Variants in SEM1 observed in about 807,000 individuals in gnomAD.
SEM1 encodes 26S proteasome complex subunit SEM1.
Under a neutral mutation model 12.7 loss-of-function variants are expected in SEM1, and 3 were observed. The observed-to-expected ratio is 0.24, with a 90% CI of 0.11 to 0.61. The LOEUF (loss-of-function observed/expected upper bound fraction) is 0.61. Ranked by LOEUF, SEM1 falls within the 20% of genes least tolerant of loss-of-function variation. The probability of loss-of-function intolerance (pLI) is 0.88; values close to 1 mark genes in which losing one functional copy is unlikely to be tolerated. For synonymous variants in SEM1, 30 were observed against 27.8 expected (o/e 1.08, Z -0.25); for missense variants, 59 against 81.3 (o/e 0.73, Z 1.06).
chr7:96,641,143 A>G (rs1808578968), intron 2 of SEM1, among the ~76,000 whole-genome samples: 1 of 151,290 alleles, frequency 6.6e-6, no homozygotes. Context: ...TAGGGAGCCG[A>G]AAAAAAATAA....
intron 2 of SEM1, among the ~76,000 whole-genome samples, chr7:96,628,015 T>A (rs2116319912): frequency 6.6e-6 from 1 of 152,260 alleles, no homozygotes; most frequent in Non-Finnish European, 1.5e-5. Context: ...TTTATCATTA[T>A]ACAGCGACCT....
intron 2 of SEM1, among the ~76,000 whole-genome samples, chr7:96,615,322 G>A (rs112851689): frequency 1.5e-5 from 2 of 135,836 alleles, no homozygotes; most frequent in East Asian, 2.6e-4. Context: ...GTGCCATCTC[G>A]GCTTACTGCA....
intron 3 of SEM1, among the ~76,000 whole-genome samples, chr7:96,501,492 T>C (rs1803544003): frequency 6.6e-6 from 1 of 152,084 alleles, no homozygotes; most frequent in African/African-American, 2.4e-5. Flanking sequence ...TTGAGGCTAA[T>C]GAAGATTGTT....
intron 2 of SEM1, among the ~76,000 whole-genome samples, chr7:96,547,700 CT>C (rs1329557990): frequency 6.6e-6 from 1 of 152,034 alleles, no homozygotes; most frequent in African/African-American, 2.4e-5. Context: ...GCACTTTCCC[CT>C]TTGGCTTGCA....
intron 2 of SEM1, among the ~76,000 whole-genome samples, chr7:96,675,405 C>G (rs886479664): frequency 6.6e-6 from 1 of 152,180 alleles, no homozygotes; most frequent in African/African-American, 2.4e-5. Flanking sequence ...AAACTGGTCA[C>G]TTAAATGCCG....
intron 2 of SEM1, among the ~76,000 whole-genome samples, chr7:96,634,450 C>T (rs562492612): frequency 1.3e-5 from 2 of 151,780 alleles, no homozygotes; most frequent in Admixed American, 6.6e-5. Flanking sequence ...AAAAATAATG[C>T]TCTAAGCACT....
intron 2 of SEM1, among the ~76,000 whole-genome samples, chr7:96,674,708 G>A (rs984818645): frequency 1.3e-5 from 2 of 152,080 alleles, no homozygotes; most frequent in African/African-American, 2.4e-5. Flanking sequence ...TGCATACAAT[G>A]GCAGGAAATT....
intron 2 of SEM1, among the ~76,000 whole-genome samples, chr7:96,632,925 A>ATTTT (rs1808317796): frequency 6.6e-6 from 1 of 151,444 alleles, no homozygotes; most frequent in Non-Finnish European, 1.5e-5. Flanking sequence ...GCACCCTGAT[A>ATTTT]TTTCTAATTG....
chr7:96,546,230 T>C (rs906717150), intron 2 of SEM1, among the ~76,000 whole-genome samples: 2 of 152,074 alleles, frequency 1.3e-5, no homozygotes, highest in Non-Finnish European at 2.9e-5. Flanking sequence ...GATTCAAAGA[T>C]GAATAAGATG....
exon 3 of SEM1, chr7:96,673,704 C>T (rs1198025715): frequency 1.3e-6 from 1 of 760,102 alleles, no homozygotes; most frequent in Non-Finnish European, 2.4e-6. Flanking sequence ...CAATCCTGTG[C>T]ATCCCAGCTC....
At chr7:96,489,569 C>A (rs192219325) in intron 1 of SEM1, among the ~76,000 whole-genome samples, 1 of 152,238 alleles carries the variant, frequency 6.6e-6, no homozygotes, top group African/African-American at 2.4e-5. Flanking sequence ...GAAGATGGAG[C>A]CTGTATTAGT....
chr7:96,607,328 A>G (rs779074928), intron 2 of SEM1, among the ~76,000 whole-genome samples: 1 of 152,232 alleles, frequency 6.6e-6, no homozygotes, highest in African/African-American at 2.4e-5. Flanking sequence ...CAGTGATAAC[A>G]TATTTTCTCT....
Position 96,505,302 on chromosome 7 carries a change from C to T in SEM1, c.*60+1321G>A, listed in dbSNP as rs183889684. Among the ~76,000 whole-genome samples, 38 of 152,058 alleles carry T rather than the reference C, an allele frequency of 2.5e-4. No individual in the cohort carries two copies. In the East Asian group the frequency reaches 6.4e-3, roughly 26 times the overall value. ...TATTTTTATTAGAGACAGGGTTTCA[C>T]CATGTTGGCCAGGCTAATCTTGAAT... On this transcript the variant is annotated intron_variant and NMD_transcript_variant, in intron 3 of 3. Transcript: ENST00000466986.
Position 96,640,020 on chromosome 7 carries a change from G to A in SEM1, c.171-17377C>T, listed in dbSNP as rs1029559253. 6.6e-5 allele frequency among the ~76,000 whole-genome samples: 10 copies of A among 151,800 alleles called. No homozygotes were observed. Among genetic ancestry groups the A allele is most frequent in the African/African-American group, 2.2e-4 (9 of 41,346 alleles). The stretch of plus-strand genomic sequence containing the variant: ...CAAATTAAAACAGCAATACAATATC[G>A]CTACACACCTATTATAATGGCCAAA... On this transcript the variant is annotated intron_variant, in intron 2 of 2. Coordinates refer to the SEM1 transcript ENST00000417009. This position sits in a 1 kb window ranked among gnomAD's most constrained non-coding sequence, Gnocchi z 4.0.
intron 1 of SEM1, chr7:96,697,149 T>C (rs1160700469): frequency 2.0e-5 from 3 of 151,306 alleles, no homozygotes; most frequent in Non-Finnish European, 4.4e-5. Flanking sequence ...TCAATGTGTA[T>C]GCCTCCAGAT....
downstream of SEM1, among the ~76,000 whole-genome samples, chr7:96,669,314 C>T (rs1169802705): frequency 2.0e-5 from 3 of 152,150 alleles, no homozygotes; most frequent in Admixed American, 1.3e-4. Flanking sequence ...TTGCAAGTTA[C>T]GTAGTCTCTG....
At chr7:96,590,275 T>C (rs1806787721) in intron 2 of SEM1, among the ~76,000 whole-genome samples, 1 of 152,174 alleles carries the variant, frequency 6.6e-6, no homozygotes, top group Non-Finnish European at 1.5e-5. Flanking sequence ...AGTATAATTA[T>C]GTCCCAAACA....
intron 2 of SEM1, among the ~76,000 whole-genome samples, chr7:96,693,730 T>C (rs567219559): frequency 5.2e-4 from 79 of 151,118 alleles, no homozygotes; most frequent in Non-Finnish European, 1.0e-3. Context: ...AAGTTAAATA[T>C]AGAATTAACG....
rs549638880 is a variant in SEM1 at position 96,509,143 on chromosome 7, C to T, written c.171-2445G>A. Among the ~76,000 whole-genome samples, 12 of 148,556 alleles carry T rather than the reference C, an allele frequency of 8.1e-5. No homozygotes were observed. In the East Asian group the frequency reaches 2.4e-3, roughly 30 times the overall value. The stretch of plus-strand genomic sequence containing the variant: ...CTGGGATTACAGGCATGCACCACCA[C>T]GTCCAGCTAATTTTTTTTTTTTTTT... On this transcript the variant is annotated intron_variant and NMD_transcript_variant, in intron 2 of 3. Transcript: ENST00000466986.
Sources: gnomAD v4.1 joint callset for allele counts (sites outside exome capture counted in the v4.1 genomes callset) on GRCh38, gnomAD v4.1.1 for gene constraint, Gnocchi (gnomAD v3.1) non-coding constraint, MANE v1.5 for transcripts, NCBI Gene and HGNC (gene_info 2026-07-23, HGNC 2026-07-21) for gene names.